PNPLA6: variants seen among roughly 807,000 people sequenced by gnomAD.
PNPLA6 encodes patatin like domain 6, lysophospholipase, also known as patatin-like phospholipase domain-containing protein 6.
PNPLA6 carries 105 observed loss-of-function variants against 153.7 expected under a neutral mutation model. That is an observed-to-expected ratio of 0.68 (90% CI 0.58 to 0.80). The LOEUF (loss-of-function observed/expected upper bound fraction) is 0.80, where lower values mean the gene tolerates loss of function less well. Ranked by LOEUF, PNPLA6 falls within the 30% of genes least tolerant of loss-of-function variation. The pLI is 0.00. For missense variants in PNPLA6, 1,423 were observed against 1,919.3 expected, an observed-to-expected ratio of 0.74 and a Z score of 4.83; for synonymous variants, 825 against 822.2, an observed-to-expected ratio of 1.00 and a Z score of -0.06.
intron 25 of PNPLA6, 34 bp downstream of exon 25, chr19:7,556,603 C>G (rs1427641557): frequency 4.4e-6 from 7 of 1,588,188 alleles, no homozygotes; most frequent in Admixed American, 1.7e-5. Flanking sequence ...CTGCCTACCC[C>G]TCCCCGGAGG....
rs2023599428 is a variant in PNPLA6, at chr19:7,550,571, C to T, written c.2001C>T (p.Ser667=). ...TCGTGCTCAATGGGCGGCTGCGTAG[C>T]GTGATCCAGCGAGGCAGTGGCAAGA... The part of the protein sequence containing the change: ...TYIVLNGRLR[S]VIQRGSGKKE... The change falls in exon 16 of 32, where the codon AGC becomes AGT. Residue 667 remains serine (S), a synonymous_variant. Transcript: ENST00000600737. The T allele has an allele frequency of 1.2e-6, 2 of 1,613,080 alleles. No homozygotes were observed. The highest frequency in any genetic ancestry group is 1.7e-5 in the Admixed American group (1 of 59,948).
chr19:7,540,510 G>A lies in PNPLA6; in HGVS notation c.715-120G>A. 2.0e-6 allele frequency: 2 copies of A among 1,024,486 alleles called. No individual in the cohort carries two copies. Among genetic ancestry groups the A allele is most frequent in the Admixed American group, 1.8e-5 (1 of 56,334 alleles). The allele number at this position is 1,024,486 out of a possible 1,614,324, so 63.5% of individuals were successfully genotyped here. On this transcript the variant is annotated intron_variant, in intron 5 of 31. Coordinates refer to ENST00000600737, the MANE Select transcript of PNPLA6 (RefSeq NM_001166114.2). This position sits in a 1 kb window ranked among gnomAD's most constrained non-coding sequence, Gnocchi z 6.8. ...ATGGGAGATGCCTGCTCGTTGGAAG[G>A]GTTGGTGGGTTCCCCTGAGAAGGGA...
chr19:7,551,300 A>C, intron 17 of PNPLA6, 62 bp from the exon 18 acceptor site: 1 of 1,500,790 alleles, frequency 6.7e-7, no homozygotes, highest in South Asian at 1.1e-5. Flanking sequence ...TAGGAGGGAG[A>C]GGTGGGACCT....
chr19:7,551,500 A>T, intron 18 of PNPLA6, 63 bp downstream of exon 18: 1 of 1,367,734 alleles, frequency 7.3e-7, no homozygotes, highest in Non-Finnish European at 1.0e-6. Context: ...GCATGCTGGG[A>T]GGGAAGCCTT....
At chr19:7,542,158 C>T (rs918340664) in intron 10 of PNPLA6, 91 bp downstream of exon 10, 50 of 1,001,874 alleles carry the variant, frequency 5.0e-5, no homozygotes, top group South Asian at 3.9e-5. Context: ...TTTTAATCTG[C>T]GAAATGGGAA....
chr19:7,537,861 C>G (rs570704390), intron 3 of PNPLA6, among the ~76,000 whole-genome samples: 1 of 152,076 alleles, frequency 6.6e-6, no homozygotes, highest in Non-Finnish European at 1.5e-5. Flanking sequence ...AGGATGGTCT[C>G]GATCTCTTGA....
intron 13 of PNPLA6, among the ~76,000 whole-genome samples, chr19:7,546,495 A>G (rs1011134244): frequency 1.3e-5 from 2 of 152,176 alleles, no homozygotes; most frequent in African/African-American, 2.4e-5. Context: ...TTAGCCAGGC[A>G]TGGTGGCGCA....
chr19:7,543,437 T>A (rs760553235), intron 13 of PNPLA6, among the ~76,000 whole-genome samples: 4 of 152,252 alleles, frequency 2.6e-5, no homozygotes, highest in Non-Finnish European at 4.4e-5. Flanking sequence ...TGCTGACCGC[T>A]GCCAGGATAG....
chr19:7,540,152 G>T lies in PNPLA6; in HGVS notation c.558G>T (p.Val186=). 5 of 1,612,254 alleles carry T rather than the reference G, an allele frequency of 3.1e-6. No homozygotes were observed. The highest frequency in any genetic ancestry group is 4.2e-6 in the Non-Finnish European group (5 of 1,180,004). Residue 186 remains valine, a synonymous_variant, in exon 5 of 32, where the codon GTG becomes GTT. Coordinates refer to ENST00000600737, the MANE Select transcript of PNPLA6 (RefSeq NM_001166114.2). The surrounding 1 kb of genome is among the most constrained non-coding windows in gnomAD (Gnocchi z 6.8). ...EVLYMLKNVR[V]LGHFEKPLFL... ...TCGCCCACCGCCTGTCCAACAGGGTGCTGGGCCACTTCGAGAAGCCACTCT... is the reference window on the plus strand; with the variant it reads ...TCGCCCACCGCCTGTCCAACAGGGTTCTGGGCCACTTCGAGAAGCCACTCT...
intron 11 of PNPLA6, 35 bp downstream of exon 11, chr19:7,542,705 G>C (rs746624003): frequency 6.2e-7 from 1 of 1,612,080 alleles, no homozygotes; most frequent in Non-Finnish European, 8.5e-7. Flanking sequence ...GGTGGAGCCC[G>C]CAGGGGAAGG....
intron 2 of PNPLA6, 60 bp downstream of exon 2, chr19:7,536,333 T>C (rs2022869199): frequency 1.4e-6 from 2 of 1,457,092 alleles, no homozygotes; most frequent in East Asian, 4.5e-5. Flanking sequence ...CCTTCCCTAT[T>C]TACACTTCTT....
chr19:7,546,476 CA>C (rs1377213859), intron 13 of PNPLA6, among the ~76,000 whole-genome samples: 2 of 151,628 alleles, frequency 1.3e-5, no homozygotes, highest in Non-Finnish European at 2.9e-5. Context: ...AAAAAACAAA[CA>C]AAAAAAATTA....
Position 7,555,208 on chromosome 19 carries a change from G to A in PNPLA6, c.2818-41G>A, listed in dbSNP as rs1339083161. ...ACCCCTGGGGGATCCGCCGGACCCC[G>A]CCCTCATGCTCCTGGGTCGCGACTA... On this transcript the variant is annotated intron_variant, in intron 22 of 31. Coordinates refer to ENST00000600737, the MANE Select transcript of PNPLA6 (RefSeq NM_001166114.2). This position sits in a 1 kb window ranked among gnomAD's most constrained non-coding sequence, Gnocchi z 6.3. The A allele has an allele frequency of 1.9e-6, 3 of 1,542,592 alleles. No individual in the cohort carries two copies. The highest frequency in any genetic ancestry group is 2.7e-6 in the Non-Finnish European group (3 of 1,130,954).
chr19:7,561,285 G>C lies in PNPLA6; in HGVS notation c.3991G>C (p.Glu1331Gln). Reference sequence around the variant, plus strand: ...CTCGAGGGATGAAGGGGGGTCCCCCGAGGGCGCAAGCCCCAGCACTGCCTC... The same window carrying C: ...CTCGAGGGATGAAGGGGGGTCCCCCCAGGGCGCAAGCCCCAGCACTGCCTC... Reference protein sequence around the residue: ...DCSRDEGGSPEGASPSTASEM... With the variant: ...DCSRDEGGSPQGASPSTASEM... Residue 1331 changes from glutamate (E) to glutamine (Q), a missense_variant, in exon 31 of 32, where the codon GAG becomes CAG. Physicochemically the swap from Glu to Gln is conservative, Grantham distance 29. Transcript: ENST00000600737. 1 of 1,608,472 alleles carries C rather than the reference G, an allele frequency of 6.2e-7. No individual in the cohort carries two copies. The highest frequency in any genetic ancestry group is 2.2e-5 in the East Asian group (1 of 44,632).
At chr19:7,557,980 C>G (rs190043496) in intron 27 of PNPLA6, among the ~76,000 whole-genome samples, 3 of 152,294 alleles carry the variant, frequency 2.0e-5, no homozygotes, top group Admixed American at 2.0e-4. Context: ...GTAGGGCTTA[C>G]ACACACGTGT....
Position 7,557,300 on chromosome 19 carries a change from C to T in PNPLA6, c.3397+16C>T, listed in dbSNP as rs2023923594. ...AATCTGCCAGGCAAGTGGCCGCCCG[C>T]ACCACCCGCACACGCAAGCACCTCC... is the stretch of plus-strand genomic sequence containing the variant. On this transcript the variant is annotated intron_variant, in intron 27 of 31. Transcript: ENST00000600737. 1 of 1,472,212 alleles carries T rather than the reference C, an allele frequency of 6.8e-7. No homozygotes were observed. The highest frequency in any genetic ancestry group is 9.5e-7 in the Non-Finnish European group (1 of 1,054,216). The allele number at this position is 1,472,212 out of a possible 1,614,324, so 91.2% of individuals were successfully genotyped here. A position where few individuals can be genotyped will look rare whatever the true frequency, so the allele number is the denominator to read the frequency against.
In PNPLA6 at chr19:7,557,190, C is replaced by T. The variant is rs752861684; in HGVS notation, c.3303C>T (p.Arg1101=). Residue 1101 remains arginine, a synonymous_variant, in exon 27 of 32, where the codon CGC becomes CGT. Coordinates refer to ENST00000600737, the MANE Select transcript of PNPLA6 (RefSeq NM_001166114.2). The part of the protein sequence containing the change: ...HKDGSLWRYV[R]ASMTLSGYLP... ...CAGGCTCCCTGTGGCGGTACGTGCGCGCCAGCATGACGCTGTCGGGCTACC... is the reference window on the plus strand; with the variant it reads ...CAGGCTCCCTGTGGCGGTACGTGCGTGCCAGCATGACGCTGTCGGGCTACC... 5.2e-5 allele frequency: 84 copies of T among 1,610,356 alleles called. No individual in the cohort carries two copies. Among genetic ancestry groups the T allele is most frequent in the Admixed American group, 4.7e-4 (28 of 59,780 alleles).
At chr19:7,557,471 C>G (rs902062927) in intron 27 of PNPLA6, 187 bp downstream of exon 27, 1 of 658,730 alleles carries the variant, frequency 1.5e-6, no homozygotes. Context: ...TGCCTGTGGA[C>G]AGCGACATGT....
chr19:7,555,852 G>T lies in PNPLA6; in HGVS notation c.3093+89G>T. On this transcript the variant is annotated intron_variant, in intron 24 of 31. Transcript: ENST00000600737. The surrounding 1 kb of genome is among the most constrained non-coding windows in gnomAD (Gnocchi z 6.3). The stretch of plus-strand genomic sequence containing the variant: ...AACCTGATCCCATGGGGGAGCCTCC[G>T]GGGTCAGGGTGACCCTTCCTGATTA... 7.2e-7 allele frequency: 1 copy of T among 1,395,320 alleles called. No individual in the cohort carries two copies. The highest frequency in any genetic ancestry group is 2.3e-5 in the East Asian group (1 of 43,608). The allele number at this position is 1,395,320 out of a possible 1,614,324, so 86.4% of individuals were successfully genotyped here.
Sources: gnomAD v4.1 joint callset for allele counts (sites outside exome capture counted in the v4.1 genomes callset) on GRCh38, gnomAD v4.1.1 for gene constraint, Gnocchi (gnomAD v3.1) non-coding constraint, MANE v1.5 for transcripts, NCBI Gene and HGNC (gene_info 2026-07-23, HGNC 2026-07-21) for gene names.